CHRDL2: variants seen among roughly 807,000 people sequenced by gnomAD.
CHRDL2 encodes the protein chordin like 2, also known as chordin-like protein 2.
CHRDL2 carries 41 observed loss-of-function variants against 54.3 expected under a neutral mutation model. The observed-to-expected ratio is 0.76, with a 90% confidence interval of 0.59 to 0.98. The LOEUF (loss-of-function observed/expected upper bound fraction) is 0.98. Ranked by LOEUF, CHRDL2 falls within the 50% of genes least tolerant of loss-of-function variation. CHRDL2 has a pLI of 0.00. For missense variants in CHRDL2, 518 were observed against 562.4 expected, an observed-to-expected ratio of 0.92 and a Z score of 0.80; for synonymous variants, 220 against 224.3, an observed-to-expected ratio of 0.98 and a Z score of 0.17.
chr11:74,707,491 C>T (rs2034047514), intron 5 of CHRDL2, among the ~76,000 whole-genome samples: 1 of 152,198 alleles, frequency 6.6e-6, no homozygotes. Flanking sequence ...TGCCTCCCTG[C>T]TTTATAAGAG....
chr11:74,729,167 G>GA (rs750825508), intron 1 of CHRDL2, among the ~76,000 whole-genome samples: 41 of 152,252 alleles, frequency 2.7e-4, no homozygotes, highest in Non-Finnish European at 4.7e-4. Flanking sequence ...GATATCTGGA[G>GA]AAAAAATTGC....
intron 2 of CHRDL2, 51 bp downstream of exon 2, chr11:74,718,669 G>A (rs1450365888): frequency 2.4e-6 from 3 of 1,263,574 alleles, no homozygotes; most frequent in African/African-American, 1.5e-5. Flanking sequence ...CTTCTCTGGA[G>A]GGTTCTCAGA....
Position 74,700,662 on chromosome 11 carries a change from G to A in CHRDL2, c.1120+2132C>T, listed in dbSNP as rs1422762770. ...ATTATTATTTTTTTTTTTTTGAGACGGAGTCTCACTCTGTCACCCAGGCTG... is the reference window on the plus strand; with the variant it reads ...ATTATTATTTTTTTTTTTTTGAGACAGAGTCTCACTCTGTCACCCAGGCTG... On this transcript the variant is annotated intron_variant, in intron 9 of 10. Transcript: ENST00000376332. Among the ~76,000 whole-genome samples, 32 of 138,864 alleles carry A rather than the reference G, an allele frequency of 2.3e-4. 1 individual carries two copies. The highest frequency in any genetic ancestry group is 2.1e-4 in the East Asian group (1 of 4,832). The allele number at this position is 138,864 out of a possible 152,430, so 91.1% of individuals were successfully genotyped here.
intron 9 of CHRDL2, chr11:74,701,516 G>A: frequency 1.5e-6 from 1 of 681,920 alleles, no homozygotes; most frequent in South Asian, 1.6e-5. Context: ...TCCTACGACA[G>A]GGGGCAGAGT....
rs529387072 is a variant in CHRDL2, at chr11:74,728,651, G to T, written c.82+2156C>A. Among the ~76,000 whole-genome samples the T allele has an allele frequency of 9.2e-5, 14 of 152,260 alleles. No homozygotes were observed. The South Asian group carries it at 2.9e-3, about 32-fold the overall frequency. On this transcript the variant is annotated intron_variant, in intron 1 of 10. Transcript: ENST00000376332. ...CAGCCTCCCAAGTAGCTGGTGACTG[G>T]AACTACAGGTGTGTACCACTGTGCC... is the stretch of plus-strand genomic sequence containing the variant.
chr11:74,729,697 A>G (rs919299592), intron 1 of CHRDL2, among the ~76,000 whole-genome samples: 14 of 152,218 alleles, frequency 9.2e-5, no homozygotes, highest in African/African-American at 3.4e-4. Flanking sequence ...GCACCAGACT[A>G]GGAGTTGGGA....
chr11:74,729,167 G>T (rs1565161120), intron 1 of CHRDL2, among the ~76,000 whole-genome samples: 2 of 152,252 alleles, frequency 1.3e-5, no homozygotes, highest in Non-Finnish European at 2.9e-5. Context: ...GATATCTGGA[G>T]AAAAAATTGC....
chr11:74,709,643 C>T (rs1406882019), intron 4 of CHRDL2, among the ~76,000 whole-genome samples: 1 of 152,160 alleles, frequency 6.6e-6, no homozygotes, highest in African/African-American at 2.4e-5. Context: ...CTTTAAGATT[C>T]AAAGACTCAG....
chr11:74,703,285 C>T lies in CHRDL2; in HGVS notation c.946+20G>A, dbSNP rs2135239291. 1 of 1,574,832 alleles carries T rather than the reference C, an allele frequency of 6.3e-7. No individual in the cohort carries two copies. Among genetic ancestry groups the T allele is most frequent in the Non-Finnish European group, 8.6e-7 (1 of 1,157,920 alleles). On this transcript the variant is annotated intron_variant, in intron 8 of 10. Transcript: ENST00000376332. Reference sequence around the variant, plus strand: ...CTCACTCTGGCCAGCGCCCTCCTTGCTCCCAGTGCCCCTGTGTACCTGGGC... The same window carrying T: ...CTCACTCTGGCCAGCGCCCTCCTTGTTCCCAGTGCCCCTGTGTACCTGGGC...
At chr11:74,729,384 C>T (rs1055916789) in intron 1 of CHRDL2, among the ~76,000 whole-genome samples, 1 of 152,220 alleles carries the variant, frequency 6.6e-6, no homozygotes, top group East Asian at 1.9e-4. Flanking sequence ...CCTGCAAGTT[C>T]TGGATTAGTA....
chr11:74,704,785 T>A, intron 6 of CHRDL2, 131 bp from the exon 7 acceptor site: 1 of 855,948 alleles, frequency 1.2e-6, no homozygotes, highest in Non-Finnish European at 1.8e-6. Flanking sequence ...GAAGAGAAGG[T>A]AGAGACCAGG....
intron 4 of CHRDL2, 122 bp downstream of exon 4, chr11:74,710,727 C>T: frequency 4.6e-6 from 6 of 1,307,560 alleles, no homozygotes; most frequent in Admixed American, 5.4e-5. Flanking sequence ...TCCCTTTCCC[C>T]TGAGCCCATT....
At chr11:74,726,846 C>CGCA (rs1369729758) in intron 1 of CHRDL2, among the ~76,000 whole-genome samples, 1 of 152,212 alleles carries the variant, frequency 6.6e-6, no homozygotes, top group African/African-American at 2.4e-5. Flanking sequence ...CACTTAGGTG[C>CGCA]TCCCCACTGC....
chr11:74,700,679 C>T (rs2033778135), intron 9 of CHRDL2, among the ~76,000 whole-genome samples: 1 of 149,310 alleles, frequency 6.7e-6, no homozygotes. Flanking sequence ...CACTCTGTCA[C>T]CCAGGCTGGA....
At chr11:74,726,965 C>CT (rs1029815528) in intron 1 of CHRDL2, among the ~76,000 whole-genome samples, 3 of 152,166 alleles carry the variant, frequency 2.0e-5, no homozygotes, top group Admixed American at 6.5e-5. Flanking sequence ...CATCCAGGCA[C>CT]TTTTTTCTGG....
chr11:74,721,276 C>T (rs938594506), intron 1 of CHRDL2, among the ~76,000 whole-genome samples: 1 of 152,226 alleles, frequency 6.6e-6, no homozygotes, highest in Non-Finnish European at 1.5e-5. Flanking sequence ...ACTGCCACCA[C>T]CTTAGGTCTC....
At chr11:74,697,103 C>T in intron 10 of CHRDL2, 102 bp downstream of exon 10, 1 of 843,186 alleles carries the variant, frequency 1.2e-6, no homozygotes, top group Non-Finnish European at 1.9e-6. Context: ...GGCTGACAGC[C>T]CCTCCTCCCG....
At chr11:74,702,579 C>T (rs1436349386) in intron 9 of CHRDL2, among the ~76,000 whole-genome samples, 1 of 152,194 alleles carries the variant, frequency 6.6e-6, no homozygotes, top group South Asian at 2.1e-4. Context: ...GGAGCACTAT[C>T]GAGCCTTGGC....
intron 3 of CHRDL2, among the ~76,000 whole-genome samples, 162 bp downstream of exon 3, chr11:74,713,224 C>T (rs1312481258): frequency 6.6e-6 from 1 of 152,182 alleles, no homozygotes; most frequent in Non-Finnish European, 1.5e-5. Context: ...CCCAGCACTG[C>T]CTGGGGATCT....
Sources: gnomAD v4.1 joint callset for allele counts (sites outside exome capture counted in the v4.1 genomes callset) on GRCh38, gnomAD v4.1.1 for gene constraint, MANE v1.5 for transcripts, NCBI Gene and HGNC (gene_info 2026-07-23, HGNC 2026-07-21) for gene names.